The following CPVL variants were observed in gnomAD, a reference collection of about 807,000 sequenced individuals.
The protein encoded by CPVL is carboxypeptidase vitellogenic like.
In CPVL, 51 loss-of-function variants were observed where a neutral mutation model predicts 63.7. The observed-to-expected ratio is 0.80, with a 90% CI of 0.64 to 1.01. CPVL has a LOEUF of 1.01. Among genes scored for constraint, CPVL ranks in the 50% least tolerant of loss-of-function variants. CPVL has a pLI of 0.00. For missense variants in CPVL, 530 were observed against 573.1 expected, an observed-to-expected ratio of 0.92 and a Z score of 0.77; for synonymous variants, 195 against 206.0, an observed-to-expected ratio of 0.95 and a Z score of 0.46.
chr7:29,042,290 T>C lies in CPVL; in HGVS notation c.1138-11531A>G, dbSNP rs182313713. Among the ~76,000 whole-genome samples the C allele has an allele frequency of 2.4e-4, 36 of 152,194 alleles. No individual in the cohort carries two copies. The East Asian group carries it at 5.0e-3, about 21-fold the overall frequency. On this transcript the variant is annotated intron_variant, in intron 11 of 12. Coordinates refer to ENST00000265394, the MANE Select transcript of CPVL (RefSeq NM_031311.5). Reference sequence around the variant, plus strand: ...GCTCTCTGCTCCCCAACATTACTACTGTCACTTAAGTTCAAAATATAATAG... The same window carrying C: ...GCTCTCTGCTCCCCAACATTACTACCGTCACTTAAGTTCAAAATATAATAG...
At chr7:29,064,315 C>T (rs1782935823) in intron 10 of CPVL, 81 bp from the exon 11 acceptor site, 2 of 780,030 alleles carry the variant, frequency 2.6e-6, no homozygotes, top group Non-Finnish European at 2.0e-6. Flanking sequence ...GTGAATTTCT[C>T]ATAACATACA....
chr7:29,010,069 G>C (rs1244151509), intron 12 of CPVL: 1 of 152,120 alleles, frequency 6.6e-6, no homozygotes, highest in East Asian at 1.9e-4. Flanking sequence ...TGTGGGGAAG[G>C]CCTGGAGAAG....
intron 11 of CPVL, among the ~76,000 whole-genome samples, chr7:29,051,885 G>A (rs1790195137): frequency 6.7e-6 from 1 of 148,422 alleles, no homozygotes; most frequent in Non-Finnish European, 1.5e-5. Context: ...AAGAAACTGT[G>A]GTATATATAA....
At chr7:29,144,653 C>T (rs1792261156) in intron 1 of CPVL, among the ~76,000 whole-genome samples, 1 of 152,116 alleles carries the variant, frequency 6.6e-6, no homozygotes, top group South Asian at 2.1e-4. Flanking sequence ...TGAGTTCCTC[C>T]CCTCTCATTG....
chr7:29,187,968 G>A (rs1170909722), intron 1 of CPVL, among the ~76,000 whole-genome samples: 1 of 152,208 alleles, frequency 6.6e-6, no homozygotes, highest in African/African-American at 2.4e-5. Flanking sequence ...CAAAGTATCT[G>A]TAGCTAAATT....
At chr7:29,187,621 G>C (rs1324323690) in intron 1 of CPVL, among the ~76,000 whole-genome samples, 1 of 152,028 alleles carries the variant, frequency 6.6e-6, no homozygotes, top group Admixed American at 6.5e-5. Flanking sequence ...CCAGCTACTC[G>C]GGAGGCTGAG....
At chr7:29,111,326 A>AC (rs1051867852) in intron 3 of CPVL, among the ~76,000 whole-genome samples, 29 of 152,172 alleles carry the variant, frequency 1.9e-4, no homozygotes, top group African/African-American at 7.0e-4. Flanking sequence ...TGTTAGGCAG[A>AC]CCCCTATGGG....
chr7:29,022,169 T>C (rs1787058328), intron 12 of CPVL, among the ~76,000 whole-genome samples: 2 of 152,090 alleles, frequency 1.3e-5, no homozygotes, highest in South Asian at 2.1e-4. Flanking sequence ...ACCCAGGCAC[T>C]GTCCAAGGAC....
upstream of CPVL, among the ~76,000 whole-genome samples, chr7:29,150,664 A>C (rs1793463914): frequency 6.6e-6 from 1 of 152,216 alleles, no homozygotes; most frequent in Admixed American, 6.5e-5. Flanking sequence ...GCTGCAATGG[A>C]AACAAGGGGA....
At chr7:29,181,897 A>G (rs1798103612) in intron 4 of CPVL, among the ~76,000 whole-genome samples, 1 of 152,156 alleles carries the variant, frequency 6.6e-6, no homozygotes, top group Admixed American at 6.5e-5. Flanking sequence ...TTCATGGTGG[A>G]GGGAATATGG....
intron 1 of CPVL, among the ~76,000 whole-genome samples, chr7:29,189,570 T>C (rs937786580): frequency 6.6e-6 from 1 of 152,110 alleles, no homozygotes; most frequent in Non-Finnish European, 1.5e-5. Flanking sequence ...ACCTGAAGTG[T>C]CAGGGAACAA....
chr7:29,046,514 T>C (rs982316713), intron 11 of CPVL, among the ~76,000 whole-genome samples: 2 of 151,962 alleles, frequency 1.3e-5, no homozygotes, highest in Admixed American at 1.3e-4. Flanking sequence ...CCAGACCACT[T>C]AGAAACACAA....
intron 11 of CPVL, among the ~76,000 whole-genome samples, chr7:29,057,826 A>G (rs903544838): frequency 3.3e-5 from 5 of 152,154 alleles, no homozygotes; most frequent in African/African-American, 9.7e-5. Flanking sequence ...TTATGTGGGT[A>G]TATTTCTGGG....
intron 7 of CPVL, among the ~76,000 whole-genome samples, chr7:29,077,623 C>T (rs182527342): frequency 7.9e-4 from 121 of 152,330 alleles, no homozygotes; most frequent in African/African-American, 2.7e-3. Context: ...GAATTCACTA[C>T]TGGGCTGGTG....
At chr7:29,189,908 A>G (rs2128753026) in intron 1 of CPVL, among the ~76,000 whole-genome samples, 2 of 152,186 alleles carry the variant, frequency 1.3e-5, no homozygotes, top group East Asian at 3.9e-4. Flanking sequence ...GGTCCCCAGC[A>G]GCAGGCGATG....
intron 1 of CPVL, among the ~76,000 whole-genome samples, chr7:29,134,509 T>C (rs2128661888): frequency 6.6e-6 from 1 of 152,298 alleles, no homozygotes; most frequent in African/African-American, 2.4e-5. Context: ...TAGCAATGTA[T>C]GAAGCAGAAT....
chr7:29,130,512 C>T (rs777281315), intron 1 of CPVL, among the ~76,000 whole-genome samples: 18 of 152,256 alleles, frequency 1.2e-4, no homozygotes, highest in Non-Finnish European at 1.9e-4. Context: ...ATCTCATAGC[C>T]GTTCACTAAC....
At position 29,000,050 on chromosome 7, in the gene CPVL, T is replaced by C. The variant is rs368583603; in HGVS notation, c.1321-4168A>G. On this transcript the variant is annotated intron_variant, in intron 12 of 12. Transcript: ENST00000265394. Reference sequence around the variant, plus strand: ...GGCTCCCTGAATAGAACTGTCTATTTTGGGTGCCTCCACACTAGAGCTGCA... The same window carrying C: ...GGCTCCCTGAATAGAACTGTCTATTCTGGGTGCCTCCACACTAGAGCTGCA... Among the ~76,000 whole-genome samples, 5 of 152,232 alleles carry C rather than the reference T, an allele frequency of 3.3e-5. No homozygotes were observed. In the East Asian group the frequency reaches 7.7e-4, roughly 24 times the overall value.
intron 11 of CPVL, among the ~76,000 whole-genome samples, chr7:29,040,301 C>A (rs1275132802): frequency 2.0e-5 from 3 of 152,222 alleles, no homozygotes; most frequent in South Asian, 2.1e-4. Flanking sequence ...TCCAGCTCAA[C>A]AAACAATAAT....
Sources: allele counts gnomAD v4.1 joint callset (sites outside exome capture counted in the v4.1 genomes callset), GRCh38; gene constraint gnomAD v4.1.1; transcripts MANE v1.5; gene names NCBI Gene and HGNC (gene_info 2026-07-23, HGNC 2026-07-21).